Variants in POLD3 observed in about 807,000 individuals in gnomAD.
The protein encoded by POLD3 is DNA polymerase delta 3, accessory subunit.
A neutral mutation model predicts 58.2 loss-of-function variants in POLD3; 19 were observed. That is an observed-to-expected ratio of 0.33 (90% CI 0.23 to 0.48). The LOEUF is 0.48. Ranked by LOEUF, POLD3 falls within the 20% of genes least tolerant of loss-of-function variation. POLD3 has a pLI of 0.99. For synonymous variants in POLD3, 172 were observed against 193.5 expected, an observed-to-expected ratio of 0.89 and a Z score of 0.92; for missense variants, 504 against 545.5, an observed-to-expected ratio of 0.92 and a Z score of 0.76.
intron 5 of POLD3, 128 bp downstream of exon 5, chr11:74,613,138 T>C (rs2031970775): frequency 7.2e-6 from 6 of 829,492 alleles, no homozygotes; most frequent in Non-Finnish European, 7.6e-6. Flanking sequence ...GTAAGAAACA[T>C]GCCTGGTTTT....
At chr11:74,655,321 A>G (rs1341427048) in intron 4 of POLD3, among the ~76,000 whole-genome samples, 2 of 152,282 alleles carry the variant, frequency 1.3e-5, no homozygotes, top group Non-Finnish European at 2.9e-5. Flanking sequence ...ATGGTCCCGC[A>G]CCACAGACTC....
chr11:74,618,353 TAG>T (rs1164980578), intron 5 of POLD3, among the ~76,000 whole-genome samples, 182 bp from the exon 6 acceptor site: 1 of 152,228 alleles, frequency 6.6e-6, no homozygotes, highest in Non-Finnish European at 1.5e-5. Context: ...CTTTATGTAA[TAG>T]AGAGTTTCAT....
intron 1 of POLD3, among the ~76,000 whole-genome samples, chr11:74,593,759 A>G (rs1477321315): frequency 6.6e-6 from 1 of 152,200 alleles, no homozygotes; most frequent in Admixed American, 6.5e-5. Flanking sequence ...AAACATCATG[A>G]GGAAAGGGCC....
intron 4 of POLD3, among the ~76,000 whole-genome samples, chr11:74,668,535 A>G (rs1022273384): frequency 2.6e-5 from 4 of 152,218 alleles, no homozygotes; most frequent in African/African-American, 9.6e-5. Flanking sequence ...GCATACAATC[A>G]GTATTTGCTG....
chr11:74,630,549 G>A (rs976055148), intron 9 of POLD3, among the ~76,000 whole-genome samples: 3 of 152,196 alleles, frequency 2.0e-5, no homozygotes, highest in African/African-American at 7.2e-5. Flanking sequence ...TTTAGAATGG[G>A]TAGGAGTAAG....
Position 74,641,738 on chromosome 11 carries a change from G to C in POLD3, c.*972G>C, listed in dbSNP as rs2032919727. On this transcript the variant is annotated 3_prime_UTR_variant, in exon 12 of 12. Transcript: ENST00000263681. Reference sequence around the variant, plus strand: ...ATATTCAAAAACAGCACTTTTCCAGGAAGTTAGTGAGGAAGATAAGGCACA... The same window carrying C: ...ATATTCAAAAACAGCACTTTTCCAGCAAGTTAGTGAGGAAGATAAGGCACA... 1.0e-6 allele frequency: 1 copy of C among 985,308 alleles called. No individual in the cohort carries two copies. The allele number at this position is 985,308 out of a possible 1,614,324, so 61.0% of individuals were successfully genotyped here. A position where few individuals can be genotyped will look rare whatever the true frequency, so the allele number is the denominator to read the frequency against.
chr11:74,639,136 T>G (rs1173581531), intron 11 of POLD3, among the ~76,000 whole-genome samples: 2 of 152,186 alleles, frequency 1.3e-5, no homozygotes, highest in Non-Finnish European at 2.9e-5. Flanking sequence ...ACCAGCAGCA[T>G]CAGCATTATC....
chr11:74,647,946 CT>C (rs1249158232), downstream of POLD3, among the ~76,000 whole-genome samples: 1 of 152,154 alleles, frequency 6.6e-6, no homozygotes, highest in Non-Finnish European at 1.5e-5. Context: ...ATTTAATACA[CT>C]TTCTCTAATC....
intron 7 of POLD3, among the ~76,000 whole-genome samples, chr11:74,622,176 C>T (rs1462036655): frequency 6.6e-6 from 1 of 152,042 alleles, no homozygotes; most frequent in African/African-American, 2.4e-5. Context: ...CAATTTCATC[C>T]GTGTCCCTAC....
chr11:74,625,571 A>G lies in POLD3; in HGVS notation c.897A>G (p.Lys299=), dbSNP rs368601452. The change falls in exon 8 of 12, where the codon AAA becomes AAG. Residue 299 remains lysine (K), a splice_region_variant and synonymous_variant. Coordinates refer to ENST00000263681, the MANE Select transcript of POLD3 (RefSeq NM_006591.3). The part of the protein sequence containing the change: ...EPVKVLQKEK[K]RGKRVALSDD... Reference sequence around the variant, plus strand: ...TTAAGGTGCTGCAGAAGGAAAAAAAAAGGTAGGAAAATTTTGTTGCTTATT... The same window carrying G: ...TTAAGGTGCTGCAGAAGGAAAAAAAGAGGTAGGAAAATTTTGTTGCTTATT... The G allele has an allele frequency of 1.1e-4, 172 of 1,601,448 alleles. No individual in the cohort carries two copies. Among genetic ancestry groups the G allele is most frequent in the Non-Finnish European group, 1.3e-4 (155 of 1,176,450 alleles).
At chr11:74,637,912 C>G (rs1654951483) in intron 11 of POLD3, among the ~76,000 whole-genome samples, 1 of 151,682 alleles carries the variant, frequency 6.6e-6, no homozygotes, top group Non-Finnish European at 1.5e-5. Context: ...TCAGACTGTT[C>G]CAAATGTACC....
intron 5 of POLD3, among the ~76,000 whole-genome samples, chr11:74,613,936 A>T (rs1226699554): frequency 6.6e-6 from 1 of 152,214 alleles, no homozygotes; most frequent in African/African-American, 2.4e-5. Flanking sequence ...GACTTATGAC[A>T]CAGAAGGTTA....
rs1285029462 is a variant in POLD3, at chr11:74,641,782, T to C, written c.*1016T>C. Reference sequence around the variant, plus strand: ...AGGCACACATTTATTTATAAATGGATGTTGCTCCTTTGTATTTTTAGCTTC... The same window carrying C: ...AGGCACACATTTATTTATAAATGGACGTTGCTCCTTTGTATTTTTAGCTTC... On this transcript the variant is annotated 3_prime_UTR_variant, in exon 12 of 12. Coordinates refer to ENST00000263681, the MANE Select transcript of POLD3 (RefSeq NM_006591.3). 1.0e-6 allele frequency: 1 copy of C among 985,082 alleles called. No homozygotes were observed. Among genetic ancestry groups the C allele is most frequent in the Non-Finnish European group, 1.2e-6 (1 of 829,708 alleles). 61.0% of individuals were successfully genotyped at this position (985,082 alleles called of 1,614,324 possible).
chr11:74,641,038 G>A lies in POLD3; in HGVS notation c.*272G>A. ...GAAGGATTTACTCCAAAATTATACT[G>A]GAACAGTTTTCAGAATTCTCACTGA... On this transcript the variant is annotated 3_prime_UTR_variant, in exon 12 of 12. Coordinates refer to ENST00000263681, the MANE Select transcript of POLD3 (RefSeq NM_006591.3). 2 of 1,093,086 alleles carry A rather than the reference G, an allele frequency of 1.8e-6. No homozygotes were observed. Among genetic ancestry groups the A allele is most frequent in the Non-Finnish European group, 2.2e-6 (2 of 900,452 alleles). The allele number at this position is 1,093,086 out of a possible 1,614,324, so 67.7% of individuals were successfully genotyped here. A position where few individuals can be genotyped will look rare whatever the true frequency, so the allele number is the denominator to read the frequency against.
At chr11:74,604,233 G>A (rs577317710) in intron 2 of POLD3, among the ~76,000 whole-genome samples, 1 of 152,214 alleles carries the variant, frequency 6.6e-6, no homozygotes, top group South Asian at 2.1e-4. Flanking sequence ...AGGATTGGAG[G>A]GTTATAGATG....
At chr11:74,654,269 C>CA (rs376020089) in intron 4 of POLD3, among the ~76,000 whole-genome samples, 132 of 152,264 alleles carry the variant, frequency 8.7e-4, no homozygotes, top group Admixed American at 3.0e-3. Context: ...CATGCGTACA[C>CA]AAATCATAAG....
chr11:74,619,555 C>G (rs975370596), intron 6 of POLD3, among the ~76,000 whole-genome samples: 2 of 152,086 alleles, frequency 1.3e-5, no homozygotes, highest in African/African-American at 4.8e-5. Context: ...TTAACTATTT[C>G]CCTTTCGCAT....
intron 4 of POLD3, among the ~76,000 whole-genome samples, chr11:74,654,261 T>C (rs2033104413): frequency 6.6e-6 from 1 of 152,156 alleles, no homozygotes; most frequent in South Asian, 2.1e-4. Context: ...AAAAAGACCA[T>C]GCGTACACAA....
chr11:74,665,139 AAAAT>A (rs1201871583), intron 4 of POLD3, among the ~76,000 whole-genome samples: 1 of 140,036 alleles, frequency 7.1e-6, no homozygotes, highest in Non-Finnish European at 1.6e-5. Context: ...AATAAATAAT[AAAAT>A]AAAAATAAAT....
Sources: gnomAD v4.1 joint callset for allele counts (sites outside exome capture counted in the v4.1 genomes callset) on GRCh38, gnomAD v4.1.1 for gene constraint, MANE v1.5 for transcripts, NCBI Gene and HGNC (gene_info 2026-07-23, HGNC 2026-07-21) for gene names.